Variants in GPC5 observed in about 807,000 individuals in gnomAD.
GPC5 encodes the protein glypican 5.
Under a neutral mutation model 53.9 loss-of-function variants are expected in GPC5, and 47 were observed. The ratio of observed to expected loss-of-function variants is 0.87; its 90% CI spans 0.69 to 1.11. GPC5 has a LOEUF of 1.11. Among genes scored for constraint, GPC5 ranks in the 50% most tolerant of loss-of-function variants. GPC5 has a pLI of 0.00. For synonymous variants in GPC5, 286 were observed against 263.3 expected, an observed-to-expected ratio of 1.09 and a Z score of -0.84; for missense variants, 748 against 713.1, an observed-to-expected ratio of 1.05 and a Z score of -0.56.
At chr13:92,558,964 A>T (rs1309607403) in intron 7 of GPC5, among the ~76,000 whole-genome samples, 5 of 151,920 alleles carry the variant, frequency 3.3e-5, no homozygotes, top group Admixed American at 3.3e-4. Context: ...GGCATGAGCA[A>T]CAGGGAGCAA....
chr13:92,119,710 T>C (rs1160943982), intron 6 of GPC5, among the ~76,000 whole-genome samples: 1 of 151,188 alleles, frequency 6.6e-6, no homozygotes, highest in African/African-American at 2.4e-5. Flanking sequence ...GTTTTAAAAC[T>C]AGCTCTTTGT....
intron 2 of GPC5, among the ~76,000 whole-genome samples, chr13:91,660,817 C>A (rs2034970719): frequency 6.6e-6 from 1 of 151,978 alleles, no homozygotes; most frequent in Non-Finnish European, 1.5e-5. Context: ...CCTTCTTAAA[C>A]CTTCTCCTCC....
chr13:92,663,542 G>A (rs1389257051), intron 7 of GPC5, among the ~76,000 whole-genome samples: 1 of 147,214 alleles, frequency 6.8e-6, no homozygotes, highest in Non-Finnish European at 1.5e-5. Context: ...TTCGAGACCA[G>A]CCTGTCCAAT....
At chr13:92,752,422 G>A (rs564012226) in intron 7 of GPC5, among the ~76,000 whole-genome samples, 7 of 152,194 alleles carry the variant, frequency 4.6e-5, no homozygotes, top group Non-Finnish European at 7.3e-5. Flanking sequence ...ATTGCACTAA[G>A]TTGATGGAAT....
chr13:92,441,497 C>A (rs973768202), intron 7 of GPC5, among the ~76,000 whole-genome samples: 1 of 152,130 alleles, frequency 6.6e-6, no homozygotes, highest in Admixed American at 6.6e-5. Flanking sequence ...TTTCAGGATA[C>A]AAAATCAGTG....
intron 2 of GPC5, among the ~76,000 whole-genome samples, chr13:91,528,560 T>C (rs1324766492): frequency 6.6e-6 from 1 of 152,218 alleles, no homozygotes; most frequent in Non-Finnish European, 1.5e-5. Flanking sequence ...CCGTCTTCTT[T>C]TGAGCCCTCA....
At chr13:92,142,942 ATTCT>A (rs1356460800) in intron 6 of GPC5, among the ~76,000 whole-genome samples, 2 of 152,190 alleles carry the variant, frequency 1.3e-5, no homozygotes, top group African/African-American at 2.4e-5. Context: ...TTTTTAACTA[ATTCT>A]TTCAATTAAT....
At position 92,355,950 on chromosome 13, in the gene GPC5, C is replaced by T. The variant is rs139222269; in HGVS notation, c.1561+210961C>T. On this transcript the variant is annotated intron_variant, in intron 7 of 7. Transcript: ENST00000377067. ...CTCATTATTTTACTTAGACTCACAT[C>T]GTCTCTTTATGATCACTACCCTGAA... Among the ~76,000 whole-genome samples the T allele has an allele frequency of 2.1e-4, 31 of 145,956 alleles. No homozygotes were observed. In the East Asian group the frequency reaches 2.4e-3, roughly 12 times the overall value.
At position 92,398,428 on chromosome 13, in the gene GPC5, CA is replaced by C. The variant is rs35873316; in HGVS notation, c.1561+253461del. ...TGGGCGACAGAGCGAGACTCCGTCT[CA>C]AAAAAAAAAAAAAAAAAAAAATTAT... On this transcript the variant is annotated intron_variant, in intron 7 of 7. Transcript: ENST00000377067. Among the ~76,000 whole-genome samples the C allele has an allele frequency of 1.8e-3, 162 of 87,652 alleles. 1 individual carries two copies. Among genetic ancestry groups the C allele is most frequent in the East Asian group, 5.2e-3 (8 of 1,534 alleles). 57.5% of individuals were successfully genotyped at this position (87,652 alleles called of 152,430 possible).
chr13:91,904,007 G>A (rs1382453585), intron 5 of GPC5, among the ~76,000 whole-genome samples: 1 of 151,950 alleles, frequency 6.6e-6, no homozygotes, highest in Non-Finnish European at 1.5e-5. Context: ...CAGAAACACT[G>A]TACGGCAAAC....
At chr13:91,464,739 G>A (rs947631758) in intron 2 of GPC5, among the ~76,000 whole-genome samples, 10 of 151,802 alleles carry the variant, frequency 6.6e-5, no homozygotes, top group Admixed American at 6.6e-4. Flanking sequence ...TTGTGGCAAT[G>A]GAACAGTTCT....
chr13:91,966,643 A>G (rs2040183404), intron 6 of GPC5, among the ~76,000 whole-genome samples: 1 of 152,208 alleles, frequency 6.6e-6, no homozygotes, highest in African/African-American at 2.4e-5. Context: ...TCAGGAGTCT[A>G]ATACCTCACT....
intron 7 of GPC5, among the ~76,000 whole-genome samples, chr13:92,738,800 C>T (rs929885413): frequency 2.0e-5 from 3 of 151,996 alleles, no homozygotes; most frequent in Non-Finnish European, 4.4e-5. Flanking sequence ...TTACATGGTT[C>T]AGTAGATTTG....
chr13:91,564,943 C>A (rs946739109), intron 2 of GPC5, among the ~76,000 whole-genome samples: 11 of 149,370 alleles, frequency 7.4e-5, no homozygotes, highest in Non-Finnish European at 1.3e-4. Flanking sequence ...TTTTCTAGGT[C>A]ATGGTTAGTT....
At chr13:91,492,254 T>G (rs1883979519) in intron 2 of GPC5, among the ~76,000 whole-genome samples, 1 of 152,192 alleles carries the variant, frequency 6.6e-6, no homozygotes, top group Non-Finnish European at 1.5e-5. Flanking sequence ...TTCAGTGTTC[T>G]CCAGAGAAAT....
At chr13:92,155,560 G>T (rs1375963759) in intron 7 of GPC5, among the ~76,000 whole-genome samples, 1 of 152,000 alleles carries the variant, frequency 6.6e-6, no homozygotes, top group African/African-American at 2.4e-5. Flanking sequence ...TTCCTCAGGA[G>T]CACCTATTTT....
At chr13:91,990,684 A>T (rs566870243) in intron 6 of GPC5, among the ~76,000 whole-genome samples, 1 of 152,336 alleles carries the variant, frequency 6.6e-6, no homozygotes, top group East Asian at 1.9e-4. Context: ...TGCACAGTGT[A>T]TCATGCGCAA....
At position 92,394,645 on chromosome 13, in the gene GPC5, A is replaced by T. The variant is rs568505394; in HGVS notation, c.1561+249656A>T. On this transcript the variant is annotated intron_variant, in intron 7 of 7. Coordinates refer to ENST00000377067, the MANE Select transcript of GPC5 (RefSeq NM_004466.6). ...GTACCTGTGATAGCAGCACAAACTA[A>T]GATACATAATATTCATATCATGTAT... is the stretch of plus-strand genomic sequence containing the variant. Among the ~76,000 whole-genome samples the T allele has an allele frequency of 2.2e-4, 33 of 152,324 alleles. 1 individual carries two copies. The highest frequency in any genetic ancestry group is 7.5e-4 in the African/African-American group (31 of 41,562).
At chr13:92,642,076 A>C (rs1885612901) in intron 7 of GPC5, among the ~76,000 whole-genome samples, 2 of 152,174 alleles carry the variant, frequency 1.3e-5, no homozygotes, top group African/African-American at 4.8e-5. Flanking sequence ...TATTTCAAAA[A>C]TAGAAGCTAG....
Sources: gnomAD v4.1 joint callset for allele counts (sites outside exome capture counted in the v4.1 genomes callset) on GRCh38, gnomAD v4.1.1 for gene constraint, MANE v1.5 for transcripts, NCBI Gene and HGNC (gene_info 2026-07-23, HGNC 2026-07-21) for gene names.